Variants in ADRA1B observed in about 807,000 individuals in gnomAD.
ADRA1B encodes adrenoceptor alpha 1B.
In ADRA1B, 17 loss-of-function variants were observed where a neutral mutation model predicts 17.9. The observed-to-expected ratio is 0.95, with a 90% CI of 0.65 to 1.42. The LOEUF (loss-of-function observed/expected upper bound fraction) is 1.42, where lower values mean the gene tolerates loss of function less well. Among genes scored for constraint, ADRA1B ranks in the 40% most tolerant of loss-of-function variants. The pLI is 0.00. For missense variants in ADRA1B, 681 were observed against 722.1 expected, an observed-to-expected ratio of 0.94 and a Z score of 0.65; for synonymous variants, 366 against 327.6, an observed-to-expected ratio of 1.12 and a Z score of -1.27.
intron 1 of ADRA1B, among the ~76,000 whole-genome samples, chr5:159,893,177 T>A (rs768424845): frequency 1.3e-5 from 2 of 152,240 alleles, no homozygotes; most frequent in Non-Finnish European, 2.9e-5. Flanking sequence ...GCAGATGCTG[T>A]TAGAACTGGG....
intron 1 of ADRA1B, among the ~76,000 whole-genome samples, chr5:159,907,879 A>AGG (rs1042599744): frequency 2.6e-5 from 4 of 152,014 alleles, no homozygotes; most frequent in African/African-American, 9.7e-5. Flanking sequence ...CTACTTCCTT[A>AGG]GGGCTAACTG....
intron 1 of ADRA1B, among the ~76,000 whole-genome samples, chr5:159,865,791 T>C (rs1472421643): frequency 6.6e-6 from 1 of 152,200 alleles, no homozygotes; most frequent in African/African-American, 2.4e-5. Context: ...ATATGCTTCC[T>C]CAAAACCTAC....
chr5:159,875,669 C>A (rs1477759615), intron 1 of ADRA1B, among the ~76,000 whole-genome samples: 1 of 152,186 alleles, frequency 6.6e-6, no homozygotes, highest in Non-Finnish European at 1.5e-5. Flanking sequence ...CCAGCATCAG[C>A]CCCTTCACAA....
intron 1 of ADRA1B, among the ~76,000 whole-genome samples, chr5:159,901,631 C>T (rs1284801866): frequency 6.6e-6 from 1 of 152,318 alleles, no homozygotes; most frequent in African/African-American, 2.4e-5. Context: ...CTCAGCTCTT[C>T]TCAGCATGTA....
chr5:159,919,342 A>G (rs1232395678), intron 1 of ADRA1B, among the ~76,000 whole-genome samples: 1 of 152,168 alleles, frequency 6.6e-6, no homozygotes, highest in Non-Finnish European at 1.5e-5. Flanking sequence ...ACAGTGGATG[A>G]CAGTTCACAC....
chr5:159,947,503 T>C (rs1360515373), intron 1 of ADRA1B, among the ~76,000 whole-genome samples: 2 of 152,170 alleles, frequency 1.3e-5, no homozygotes, highest in African/African-American at 4.8e-5. Flanking sequence ...TATAGCATTT[T>C]TTTTCATTTG....
the ADRA1B span, among the ~76,000 whole-genome samples, chr5:159,986,820 T>C: frequency 6.6e-6 from 1 of 152,124 alleles, no homozygotes; most frequent in African/African-American, 2.4e-5. Flanking sequence ...GGGGCATGGG[T>C]GATCCAGCTT....
At chr5:159,888,331 T>A (rs1267603960) in intron 1 of ADRA1B, 1 of 152,148 alleles carries the variant, frequency 6.6e-6, no homozygotes, top group Non-Finnish European at 1.5e-5. Flanking sequence ...GAAGACGTCA[T>A]GGAAGAACTA....
chr5:159,957,503 T>C (rs1016446131), intron 1 of ADRA1B, among the ~76,000 whole-genome samples: 2 of 132,670 alleles, frequency 1.5e-5, no homozygotes, highest in African/African-American at 5.6e-5. Context: ...AGAGACTCTG[T>C]CTCAAAAAAA....
At chr5:159,911,985 C>G (rs1754231001), upstream of ADRA1B, among the ~76,000 whole-genome samples, 1 of 152,170 alleles carries the variant, frequency 6.6e-6, no homozygotes, top group Non-Finnish European at 1.5e-5. Flanking sequence ...CCTCAGATTC[C>G]TCATCTATCA....
intron 1 of ADRA1B, among the ~76,000 whole-genome samples, chr5:159,890,993 T>C (rs1753977459): frequency 6.6e-6 from 1 of 152,212 alleles, no homozygotes; most frequent in Non-Finnish European, 1.5e-5. Flanking sequence ...TTGGATCATA[T>C]GGCAACTCAT....
the ADRA1B span, among the ~76,000 whole-genome samples, chr5:159,981,015 G>T: frequency 2.6e-5 from 4 of 152,276 alleles, no homozygotes; most frequent in Non-Finnish European, 5.9e-5. Context: ...ATGAGCAAAT[G>T]TTGGGGGCAA....
the ADRA1B span, among the ~76,000 whole-genome samples, chr5:159,982,822 G>A: frequency 1.3e-5 from 2 of 152,166 alleles, no homozygotes; most frequent in African/African-American, 4.8e-5. Flanking sequence ...CACGAAGCCT[G>A]CTACCTGATT....
At chr5:159,926,153 A>G (rs887405343) in intron 1 of ADRA1B, among the ~76,000 whole-genome samples, 1 of 152,154 alleles carries the variant, frequency 6.6e-6, no homozygotes, top group African/African-American at 2.4e-5. Context: ...CACTTCCCAA[A>G]TACACTTTGC....
Position 159,972,339 on chromosome 5 carries a change from G to A in ADRA1B, c.1410G>A (p.Ser470=), listed in dbSNP as rs1260485886. 1.4e-6 allele frequency: 2 copies of A among 1,466,008 alleles called. No homozygotes were observed. Among genetic ancestry groups the A allele is most frequent in the Admixed American group, 4.8e-5 (2 of 41,592 alleles). The allele number at this position is 1,466,008 out of a possible 1,614,324, so 90.8% of individuals were successfully genotyped here. ...EPPGRRGRHD[S]GPLFTFKLLT... is the part of the protein sequence containing the mutation. ...CCGGCCGCCGCGGCCGCCACGACTC[G>A]GGCCCGCTCTTCACCTTCAAGCTCC... The change falls in exon 2 of 2, where the codon TCG becomes TCA. Residue 470 remains serine, a synonymous_variant. Coordinates refer to ENST00000306675, the MANE Select transcript of ADRA1B (RefSeq NM_000679.4).
the ADRA1B span, among the ~76,000 whole-genome samples, chr5:159,984,741 T>TA: frequency 8.9e-6 from 1 of 112,878 alleles, no homozygotes. Context: ...CTACTAAAAA[T>TA]ACAAAAAAAA....
At position 159,948,253 on chromosome 5, in the gene ADRA1B, C is replaced by T. The variant is rs551797263; in HGVS notation, c.950-23626C>T. ...AGCACAGATTATTTTGTGAAAGCTC[C>T]GCAGGTTAAGAAGCTGGACCTTTTC... On this transcript the variant is annotated intron_variant, in intron 1 of 1. Coordinates refer to ENST00000306675, the MANE Select transcript of ADRA1B (RefSeq NM_000679.4). 4.8e-5 allele frequency: 47 copies of T among 985,416 alleles called. No individual in the cohort carries two copies. The African/African-American group carries it at 5.4e-4, about 11-fold the overall frequency. 61.0% of individuals were successfully genotyped at this position (985,416 alleles called of 1,614,324 possible).
rs1755886739 is a variant in ADRA1B at position 159,972,232 on chromosome 5, G to T, written c.1303G>T (p.Ala435Ser). 2.2e-6 allele frequency: 3 copies of T among 1,348,850 alleles called. No homozygotes were observed. Among genetic ancestry groups the T allele is most frequent in the Non-Finnish European group, 2.9e-6 (3 of 1,047,854 alleles). The allele number at this position is 1,348,850 out of a possible 1,614,324, so 83.6% of individuals were successfully genotyped here. Residue 435 changes from alanine to serine, a missense_variant, in exon 2 of 2, where the codon GCG (alanine) becomes TCG (serine). Transcript: ENST00000306675. ...SPSPGYLGRGAPPPVELCAFP... is the reference protein window; with the variant it reads ...SPSPGYLGRGSPPPVELCAFP... ...GAGCCCGGGCTACCTGGGCCGCGGC[G>T]CGCCACCGCCAGTCGAGCTGTGCGC...
intron 1 of ADRA1B, among the ~76,000 whole-genome samples, chr5:159,971,366 CA>C (rs558621490): frequency 6.6e-6 from 1 of 152,006 alleles, no homozygotes; most frequent in Non-Finnish European, 1.5e-5. Context: ...ACCCCTAGAT[CA>C]AAAAAATAGT....
Sources: allele counts gnomAD v4.1 joint callset (sites outside exome capture counted in the v4.1 genomes callset), GRCh38; gene constraint gnomAD v4.1.1; transcripts MANE v1.5; gene names NCBI Gene and HGNC (gene_info 2026-07-23, HGNC 2026-07-21).